CPS1: variants seen among roughly 807,000 people sequenced by gnomAD.
The protein encoded by CPS1 is carbamoyl-phosphate synthase 1.
A neutral mutation model predicts 174.6 loss-of-function variants in CPS1; 109 were observed. That is an observed-to-expected ratio of 0.62 (90% CI 0.53 to 0.73). The LOEUF is 0.73. Among genes scored for constraint, CPS1 ranks in the 30% least tolerant of loss-of-function variants. The pLI, the probability that CPS1 is intolerant of heterozygous loss-of-function variation, is 0.00. For synonymous variants in CPS1, 637 were observed against 632.0 expected (o/e 1.01, Z -0.12); for missense variants, 1,689 against 1,821.9 (o/e 0.93, Z 1.33).
intron 1 of CPS1, among the ~76,000 whole-genome samples, chr2:210,557,238 G>A (rs1454602720): frequency 1.3e-5 from 2 of 152,064 alleles, no homozygotes; most frequent in Non-Finnish European, 2.9e-5. Context: ...GGTACACAGT[G>A]TGTTAAGGTC....
intron 1 of CPS1, among the ~76,000 whole-genome samples, chr2:210,565,910 A>G (rs1025351918): frequency 7.9e-5 from 12 of 152,332 alleles, no homozygotes; most frequent in Non-Finnish European, 1.8e-4. Flanking sequence ...TTTGGGGAGC[A>G]TGCTCTCTAT....
chr2:210,542,550 CT>C (rs1351469135), intron 1 of CPS1, among the ~76,000 whole-genome samples: 2 of 152,038 alleles, frequency 1.3e-5, no homozygotes, highest in Non-Finnish European at 2.9e-5. Context: ...AACGTCCCCC[CT>C]CCTAACAAAA....
intron 21 of CPS1, among the ~76,000 whole-genome samples, chr2:210,630,178 T>G (rs1220907179): frequency 1.3e-5 from 2 of 152,086 alleles, no homozygotes; most frequent in Non-Finnish European, 2.9e-5. Context: ...AGCGTTTTTC[T>G]TCATCATTAT....
chr2:210,551,928 G>A (rs1368278402), upstream of CPS1, among the ~76,000 whole-genome samples: 2 of 151,932 alleles, frequency 1.3e-5, no homozygotes, highest in African/African-American at 4.8e-5. Flanking sequence ...GCCAAACTTT[G>A]AGGAATCCTC....
intron 1 of CPS1, among the ~76,000 whole-genome samples, chr2:210,481,889 T>C (rs1694579162): frequency 1.3e-5 from 2 of 152,238 alleles, no homozygotes; most frequent in Non-Finnish European, 2.9e-5. Context: ...GTTCATCCTG[T>C]GATTGCCTTG....
chr2:210,587,980 T>C lies in CPS1; in HGVS notation c.622-78T>C, dbSNP rs116468978. The C allele has an allele frequency of 0.019, 23,138 of 1,212,612 alleles. 297 individuals are homozygous for C. The highest frequency in any genetic ancestry group is 0.024 in the Non-Finnish European group (19,531 of 813,888). The allele number at this position is 1,212,612 out of a possible 1,614,324, so 75.1% of individuals were successfully genotyped here. On this transcript the variant is annotated intron_variant, in intron 6 of 37. Transcript: ENST00000233072. Reference sequence around the variant, plus strand: ...TGTTACCAATCTAAGTTCAAAACATTGTCAGATGTGTTTATGATTTTGGTC... The same window carrying C: ...TGTTACCAATCTAAGTTCAAAACATCGTCAGATGTGTTTATGATTTTGGTC...
intron 1 of CPS1, among the ~76,000 whole-genome samples, chr2:210,528,128 A>T (rs1373771859): frequency 6.6e-6 from 1 of 151,910 alleles, no homozygotes; most frequent in African/African-American, 2.4e-5. Flanking sequence ...GACTTGAAGT[A>T]GTACTCAATT....
intron 16 of CPS1, among the ~76,000 whole-genome samples, chr2:210,603,685 A>G (rs973328803): frequency 5.3e-5 from 8 of 151,926 alleles, no homozygotes; most frequent in African/African-American, 1.9e-4. Flanking sequence ...AATAAAGAGA[A>G]TTTTGGAATG....
At chr2:210,648,668 C>T in intron 27 of CPS1, 128 bp downstream of exon 27, 1 of 822,622 alleles carries the variant, frequency 1.2e-6, no homozygotes, top group Non-Finnish European at 2.1e-6. Context: ...ATTTCCAAAC[C>T]ATCACAGCCA....
intron 12 of CPS1, among the ~76,000 whole-genome samples, chr2:210,594,868 G>A (rs890789668): frequency 3.3e-5 from 5 of 151,850 alleles, no homozygotes; most frequent in African/African-American, 1.2e-4. Context: ...AAAGAATAGT[G>A]TTTAGTTTAG....
intron 1 of CPS1, among the ~76,000 whole-genome samples, chr2:210,496,091 G>A (rs1694984453): frequency 6.6e-6 from 1 of 152,060 alleles, no homozygotes; most frequent in African/African-American, 2.4e-5. Context: ...TTGCCAACAT[G>A]CCCTGTAGTC....
Position 210,518,700 on chromosome 2 carries a change from C to A in CPS1, c.4-38019C>A, listed in dbSNP as rs533302181. On this transcript the variant is annotated intron_variant, in intron 1 of 38. Coordinates refer to the CPS1 transcript ENST00000430249. ...ATGTGGGAGAGAACTAAGTTTCTAA[C>A]TTATTAAGCTTCGGCTATTTTTTTT... 1.5e-4 allele frequency among the ~76,000 whole-genome samples: 23 copies of A among 152,078 alleles called. 1 individual carries two copies. In the South Asian group the frequency reaches 4.1e-3, roughly 27 times the overall value.
chr2:210,482,726 T>C (rs1487177095), intron 1 of CPS1, among the ~76,000 whole-genome samples: 1 of 152,160 alleles, frequency 6.6e-6, no homozygotes, highest in African/African-American at 2.4e-5. Context: ...GCCATGGTTC[T>C]AAAGGTTAAC....
intron 25 of CPS1, 48 bp downstream of exon 25, chr2:210,642,713 G>T: frequency 6.6e-7 from 1 of 1,507,116 alleles, no homozygotes; most frequent in Non-Finnish European, 9.1e-7. Flanking sequence ...ACAGATATAT[G>T]TAGTATACAC....
At chr2:210,620,638 G>A (rs1559111308) in intron 21 of CPS1, among the ~76,000 whole-genome samples, 1 of 151,958 alleles carries the variant, frequency 6.6e-6, no homozygotes, top group Non-Finnish European at 1.5e-5. Context: ...CGTGTCCTAT[G>A]GAAAAAGCAG....
chr2:210,578,822 C>T lies in CPS1; in HGVS notation c.472-892C>T, dbSNP rs571372877. ...TTGGGAGACACTTCTCTCCCCCCAG[C>T]CCCCAACAACCCAAGCTTTCCTTTT... On this transcript the variant is annotated intron_variant, in intron 4 of 37. Coordinates refer to ENST00000233072, the MANE Select transcript of CPS1 (RefSeq NM_001875.5). Among the ~76,000 whole-genome samples the T allele has an allele frequency of 7.9e-5, 12 of 152,250 alleles. No individual in the cohort carries two copies. The South Asian group carries it at 1.5e-3, about 18-fold the overall frequency.
In CPS1 at chr2:210,572,481, C is replaced by T. The variant is rs118070857; in HGVS notation, c.127-817C>T. Reference sequence around the variant, plus strand: ...ATTGAGAGTTAGATTTAAATGGTTTCAACAACAGAATTTAGAGTATTTATA... The same window carrying T: ...ATTGAGAGTTAGATTTAAATGGTTTTAACAACAGAATTTAGAGTATTTATA... On this transcript the variant is annotated intron_variant, in intron 1 of 37. Coordinates refer to ENST00000233072, the MANE Select transcript of CPS1 (RefSeq NM_001875.5). 8.6e-5 allele frequency among the ~76,000 whole-genome samples: 13 copies of T among 151,986 alleles called. No homozygotes were observed. The East Asian group carries it at 1.5e-3, about 18-fold the overall frequency.
intron 3 of CPS1, 33 bp downstream of exon 3, chr2:210,576,523 A>C (rs930290953): frequency 6.2e-7 from 1 of 1,612,264 alleles, no homozygotes. Context: ...AAAAAGTCTC[A>C]ATTTGAGGGA....
At position 210,648,476 on chromosome 2, in the gene CPS1, G is replaced by A. The variant is rs1191115385; in HGVS notation, c.3340G>A (p.Glu1114Lys). Reference sequence around the variant, plus strand: ...TATTGTTGTTTCTATTAATTAGAATGAAGCACTGGAATTTGCAAAGTCTGT... The same window carrying A: ...TATTGTTGTTTCTATTAATTAGAATAAAGCACTGGAATTTGCAAAGTCTGT... ...APWKAVNTLN[E>K]ALEFAKSVDY... Residue 1114 changes from glutamate to lysine, a missense_variant, in exon 27 of 38, where the codon GAA becomes AAA. Coordinates refer to ENST00000233072, the MANE Select transcript of CPS1 (RefSeq NM_001875.5). 1.9e-6 allele frequency: 3 copies of A among 1,611,968 alleles called. No homozygotes were observed. The highest frequency in any genetic ancestry group is 1.1e-5 in the South Asian group (1 of 91,020).
Sources: gnomAD v4.1 joint callset for allele counts (sites outside exome capture counted in the v4.1 genomes callset) on GRCh38, gnomAD v4.1.1 for gene constraint, MANE v1.5 for transcripts, NCBI Gene and HGNC (gene_info 2026-07-23, HGNC 2026-07-21) for gene names.